The following UNC93A variants were observed in gnomAD, a reference collection of about 807,000 sequenced individuals.
The protein encoded by UNC93A is unc-93 homolog A.
In UNC93A, 43 loss-of-function variants were observed where a neutral mutation model predicts 47.5. The observed-to-expected ratio is 0.91, with a 90% CI of 0.71 to 1.17. The LOEUF (loss-of-function observed/expected upper bound fraction) is 1.17, where lower values mean the gene tolerates loss of function less well. Among genes scored for constraint, UNC93A ranks in the 50% most tolerant of loss-of-function variants. The pLI is 0.00. For missense variants in UNC93A, 605 were observed against 577.6 expected (o/e 1.05, Z -0.49); for synonymous variants, 280 against 258.0 (o/e 1.09, Z -0.82).
intron 1 of UNC93A, among the ~76,000 whole-genome samples, chr6:167,292,633 A>G (rs1408708802): frequency 6.6e-6 from 1 of 152,198 alleles, no homozygotes; most frequent in African/African-American, 2.4e-5. Context: ...GGAAGGGAAC[A>G]CAGTCTCTTT....
intron 7 of UNC93A, among the ~76,000 whole-genome samples, chr6:167,314,956 G>C (rs1778651360): frequency 6.6e-6 from 1 of 152,130 alleles, no homozygotes; most frequent in Admixed American, 6.5e-5. Context: ...GCTGTGTCAC[G>C]GGCACCGGTC....
chr6:167,297,793 A>G lies in UNC93A; in HGVS notation c.500-152A>G, dbSNP rs541922813. On this transcript the variant is annotated intron_variant, in intron 3 of 7. Transcript: ENST00000230256. ...ATGTGCCTAGACTCGATCTAAATCT[A>G]TTTTGAGACACTGGGTCTTTCCACG... 4.5e-5 allele frequency: 43 copies of G among 946,594 alleles called. No individual in the cohort carries two copies. The East Asian group carries it at 1.1e-3, about 23-fold the overall frequency. The allele number at this position is 946,594 out of a possible 1,614,324, so 58.6% of individuals were successfully genotyped here. A position where few individuals can be genotyped will look rare whatever the true frequency, so the allele number is the denominator to read the frequency against.
upstream of UNC93A, among the ~76,000 whole-genome samples, chr6:167,270,810 T>G (rs84340): frequency 0.5 from 76,247 of 152,082 alleles, 19,116 homozygotes; most frequent in East Asian, 0.54. Context: ...AGCAAGGCAT[T>G]GGCGCCCTCC....
At chr6:167,284,643 T>C (rs1783690517) in intron 1 of UNC93A, among the ~76,000 whole-genome samples, 1 of 152,290 alleles carries the variant, frequency 6.6e-6, no homozygotes, top group South Asian at 2.1e-4. Context: ...ATATCATTCA[T>C]TAACTGAACA....
At chr6:167,283,291 G>T (rs1783663476) in intron 1 of UNC93A, among the ~76,000 whole-genome samples, 1 of 152,172 alleles carries the variant, frequency 6.6e-6, no homozygotes, top group African/African-American at 2.4e-5. Context: ...GGAATGTGGT[G>T]TCTTATTTCT....
At chr6:167,280,889 G>A (rs1331694824) in intron 1 of UNC93A, among the ~76,000 whole-genome samples, 1 of 152,138 alleles carries the variant, frequency 6.6e-6, no homozygotes, top group Non-Finnish European at 1.5e-5. Context: ...AACTTACTGT[G>A]TCAGTAAGAA....
intron 4 of UNC93A, among the ~76,000 whole-genome samples, chr6:167,299,138 A>ATG (rs1436060781): frequency 2.3e-4 from 30 of 131,708 alleles, no homozygotes; most frequent in Non-Finnish European, 3.5e-4. Flanking sequence ...AAATACACAC[A>ATG]CACACACACA....
chr6:167,296,571 G>T (rs1482156627), intron 3 of UNC93A, among the ~76,000 whole-genome samples: 1 of 152,224 alleles, frequency 6.6e-6, no homozygotes, highest in Non-Finnish European at 1.5e-5. Flanking sequence ...TGTGTTCATG[G>T]AGTCTCAACT....
chr6:167,271,822 T>C (rs2115065182), intron 1 of UNC93A, among the ~76,000 whole-genome samples: 1 of 152,166 alleles, frequency 6.6e-6, no homozygotes, highest in South Asian at 2.1e-4. Context: ...AACAAAATAA[T>C]GACAAATTTT....
chr6:167,272,580 AC>A (rs1783466906), intron 1 of UNC93A, among the ~76,000 whole-genome samples: 1 of 152,180 alleles, frequency 6.6e-6, no homozygotes, highest in South Asian at 2.1e-4. Flanking sequence ...GAGACATGAG[AC>A]TTCAATCAAA....
At chr6:167,308,476 G>A (rs1778465205) in intron 7 of UNC93A, among the ~76,000 whole-genome samples, 1 of 151,992 alleles carries the variant, frequency 6.6e-6, no homozygotes, top group Non-Finnish European at 1.5e-5. Context: ...CTGTGGATGT[G>A]GGGGAGCAGG....
At position 167,272,184 on chromosome 6, in the gene UNC93A, C is replaced by T. The variant is rs115825913; in HGVS notation, c.-52+726C>T. 6.5e-3 allele frequency among the ~76,000 whole-genome samples: 995 copies of T among 152,324 alleles called. 13 individuals carry two copies. The highest frequency in any genetic ancestry group is 0.022 in the African/African-American group (931 of 41,550). On this transcript the variant is annotated intron_variant, in intron 1 of 3. Coordinates refer to the UNC93A transcript ENST00000503433. ...GTGGTGTCTTTGGGGGTGGCTGACT[C>T]TGCTGCTCTTTACTTACCTTGAACT...
chr6:167,307,726 C>G, intron 6 of UNC93A, 53 bp from the exon 7 acceptor site: 1 of 1,562,730 alleles, frequency 6.4e-7, no homozygotes, highest in Non-Finnish European at 8.6e-7. Context: ...CAGGCCCCTC[C>G]AGGCCATGAT....
upstream of UNC93A, among the ~76,000 whole-genome samples, chr6:167,287,900 C>T (rs1347692373): frequency 6.6e-6 from 1 of 152,178 alleles, no homozygotes; most frequent in Admixed American, 6.5e-5. Context: ...TGATCAATCA[C>T]AGAGCTGCTG....
rs545847724 is a variant in UNC93A, at chr6:167,298,228, T to C, written c.625+158T>C. ...TGGTCTGGATTATATGCAGGCGGTG[T>C]TCTTATGAATCAAATGCAGTACACC... On this transcript the variant is annotated intron_variant, in intron 4 of 7. Transcript: ENST00000230256. 10 of 1,196,962 alleles carry C rather than the reference T, an allele frequency of 8.4e-6. No homozygotes were observed. The African/African-American group carries it at 1.5e-4, about 18-fold the overall frequency. 74.1% of individuals were successfully genotyped at this position (1,196,962 alleles called of 1,614,324 possible).
intron 1 of UNC93A, among the ~76,000 whole-genome samples, chr6:167,293,665 A>C (rs547998846): frequency 4.1e-4 from 63 of 152,298 alleles, no homozygotes; most frequent in African/African-American, 1.4e-3. Flanking sequence ...AGAGCTCAGC[A>C]GCCCCAGTGA....
intron 7 of UNC93A, among the ~76,000 whole-genome samples, chr6:167,308,858 G>A (rs73264873): frequency 0.026 from 4,022 of 152,232 alleles, 167 homozygotes; most frequent in African/African-American, 0.089. Context: ...GTGGGGAGCC[G>A]GGAGGGCTGG....
chr6:167,308,013 A>G, intron 7 of UNC93A, 103 bp downstream of exon 7: 1 of 1,501,806 alleles, frequency 6.7e-7, no homozygotes, highest in Non-Finnish European at 8.9e-7. Flanking sequence ...GAGCCAAGAG[A>G]GATGAGTTGG....
chr6:167,297,719 C>A (rs370561065), intron 3 of UNC93A, among the ~76,000 whole-genome samples: 4 of 152,128 alleles, frequency 2.6e-5, no homozygotes, highest in South Asian at 2.1e-4. Context: ...TTGCAGAACA[C>A]GAATAGGATT....
Sources: allele counts gnomAD v4.1 joint callset (sites outside exome capture counted in the v4.1 genomes callset), GRCh38; gene constraint gnomAD v4.1.1; transcripts MANE v1.5; gene names NCBI Gene and HGNC (gene_info 2026-07-23, HGNC 2026-07-21).